Variants in PPP3CA observed in about 807,000 individuals in gnomAD.
PPP3CA encodes the protein CAM-PRP catalytic subunit.
PPP3CA carries 14 observed loss-of-function variants against 66.5 expected under a neutral mutation model. The ratio of observed to expected loss-of-function variants is 0.21; its 90% CI spans 0.14 to 0.33. PPP3CA has a LOEUF of 0.33. Among genes scored for constraint, PPP3CA ranks in the 10% least tolerant of loss-of-function variants. The pLI, the probability that PPP3CA is intolerant of heterozygous loss-of-function variation, is 1.00. For synonymous variants in PPP3CA, 232 were observed against 226.2 expected (o/e 1.03, Z -0.23); for missense variants, 317 against 639.5 (o/e 0.50, Z 5.44).
chr4:101,081,789 C>T (rs539309491), intron 7 of PPP3CA, among the ~76,000 whole-genome samples: 229 of 152,208 alleles, frequency 1.5e-3, no homozygotes, highest in Non-Finnish European at 2.1e-3. Flanking sequence ...CCTTAAAAAC[C>T]TTTTGAAATG....
At chr4:101,124,591 A>T (rs1722135284) in intron 2 of PPP3CA, among the ~76,000 whole-genome samples, 1 of 151,718 alleles carries the variant, frequency 6.6e-6, no homozygotes, top group African/African-American at 2.4e-5. Context: ...CTGGGGCAAC[A>T]GAGCAAGACT....
At chr4:101,096,920 C>A (rs1367952807) in intron 5 of PPP3CA, among the ~76,000 whole-genome samples, 5 of 152,112 alleles carry the variant, frequency 3.3e-5, no homozygotes, top group Non-Finnish European at 5.9e-5. Flanking sequence ...TCAGACTTAG[C>A]AATCAAGTTT....
intron 1 of PPP3CA, among the ~76,000 whole-genome samples, chr4:101,221,337 T>C (rs759839759): frequency 1.0e-3 from 151 of 151,690 alleles, no homozygotes; most frequent in Non-Finnish European, 1.8e-3. Context: ...AATAAGTAAG[T>C]CTATCCCTAT....
At chr4:101,129,261 A>G (rs1008559049) in intron 2 of PPP3CA, among the ~76,000 whole-genome samples, 20 of 152,154 alleles carry the variant, frequency 1.3e-4, no homozygotes, top group Admixed American at 1.3e-4. Flanking sequence ...GGGCTTATAG[A>G]TAAAACTCCC....
chr4:101,300,243 C>G (rs1351790710), intron 1 of PPP3CA, among the ~76,000 whole-genome samples: 2 of 152,176 alleles, frequency 1.3e-5, no homozygotes, highest in African/African-American at 2.4e-5. Context: ...ACATTTCAAT[C>G]TCTCAAGTCA....
Position 101,080,645 on chromosome 4 carries a change from G to A in PPP3CA, c.861-19C>T. 1.4e-6 allele frequency: 2 copies of A among 1,382,000 alleles called. No individual in the cohort carries two copies. The highest frequency in any genetic ancestry group is 2.3e-5 in the East Asian group (1 of 42,592). The allele number at this position is 1,382,000 out of a possible 1,614,324, so 85.6% of individuals were successfully genotyped here. ...GCGGTACCTAAAAAGAACAAATACAGTCAAAACAAAGCTTGTATGGAAAAA... is the reference window on the plus strand; with the variant it reads ...GCGGTACCTAAAAAGAACAAATACAATCAAAACAAAGCTTGTATGGAAAAA... On this transcript the variant is annotated intron_variant, in intron 7 of 13. Transcript: ENST00000394854.
intron 1 of PPP3CA, among the ~76,000 whole-genome samples, chr4:101,288,273 T>C (rs1324920026): frequency 6.6e-6 from 1 of 152,174 alleles, no homozygotes; most frequent in Non-Finnish European, 1.5e-5. Context: ...AATGAATTGG[T>C]GTTGTAGAGT....
intron 1 of PPP3CA, among the ~76,000 whole-genome samples, chr4:101,256,352 T>A (rs1490806873): frequency 6.6e-6 from 1 of 152,010 alleles, no homozygotes; most frequent in African/African-American, 2.4e-5. Context: ...ATCTCAGCTA[T>A]TGTTCATTCT....
intron 2 of PPP3CA, among the ~76,000 whole-genome samples, chr4:101,114,938 G>T (rs971774992): frequency 6.6e-6 from 1 of 151,982 alleles, no homozygotes; most frequent in Non-Finnish European, 1.5e-5. Flanking sequence ...AGGCATGGGG[G>T]TTCAAGTACA....
intron 2 of PPP3CA, among the ~76,000 whole-genome samples, chr4:101,155,444 AG>A (rs1723286954): frequency 1.3e-5 from 2 of 152,198 alleles, no homozygotes; most frequent in Admixed American, 6.5e-5. Flanking sequence ...GAAAGATGAA[AG>A]TTCCTTCCTG....
chr4:101,176,580 A>G (rs540464070), intron 2 of PPP3CA, among the ~76,000 whole-genome samples: 20 of 152,312 alleles, frequency 1.3e-4, no homozygotes, highest in East Asian at 3.9e-4. Context: ...AAGTAAAATT[A>G]TATGACTATT....
chr4:101,342,451 C>A (rs1016960792), intron 1 of PPP3CA, among the ~76,000 whole-genome samples: 1 of 151,972 alleles, frequency 6.6e-6, no homozygotes, highest in Admixed American at 6.6e-5. Context: ...ATAAATAGAC[C>A]AACCTAACTC....
intron 1 of PPP3CA, among the ~76,000 whole-genome samples, chr4:101,208,891 C>A (rs1026752380): frequency 1.3e-5 from 2 of 152,056 alleles, no homozygotes; most frequent in Admixed American, 6.6e-5. Context: ...CTCTTTATAT[C>A]GGGTTTATTT....
At chr4:101,272,476 T>C (rs1170854627) in intron 1 of PPP3CA, among the ~76,000 whole-genome samples, 6 of 152,194 alleles carry the variant, frequency 3.9e-5, no homozygotes, top group South Asian at 2.1e-4. Context: ...GATTCACTTA[T>C]CTATTCAACA....
chr4:101,138,059 A>G (rs910553459), intron 2 of PPP3CA, among the ~76,000 whole-genome samples: 3 of 152,226 alleles, frequency 2.0e-5, no homozygotes, highest in East Asian at 1.9e-4. Flanking sequence ...TGCTTTTATC[A>G]TATCACTCAT....
intron 2 of PPP3CA, among the ~76,000 whole-genome samples, chr4:101,116,778 A>G (rs1209268412): frequency 6.6e-6 from 1 of 151,968 alleles, no homozygotes; most frequent in Non-Finnish European, 1.5e-5. Context: ...ATATTTCAAA[A>G]TAATATTTTC....
intron 1 of PPP3CA, chr4:101,250,444 G>A (rs1028436622): frequency 2.3e-4 from 98 of 432,310 alleles, no homozygotes; most frequent in African/African-American, 1.8e-3. Context: ...TTATTGTTAT[G>A]TTACATAGAA....
rs540950535 is a variant in PPP3CA at position 101,283,978 on chromosome 4, G to A, written c.58+62761C>T. Among the ~76,000 whole-genome samples the A allele has an allele frequency of 5.9e-5, 9 of 152,140 alleles. No individual in the cohort carries two copies. The South Asian group carries it at 1.9e-3, about 32-fold the overall frequency. On this transcript the variant is annotated intron_variant, in intron 1 of 13. Transcript: ENST00000394854. ...TTAAAACTAAATAAAATGTAAAATCGAGTCTTGTAGTTGAACTAGACATAT... is the reference window on the plus strand; with the variant it reads ...TTAAAACTAAATAAAATGTAAAATCAAGTCTTGTAGTTGAACTAGACATAT...
intron 8 of PPP3CA, among the ~76,000 whole-genome samples, chr4:101,069,371 T>A (rs1218471355): frequency 6.6e-6 from 1 of 152,186 alleles, no homozygotes; most frequent in Non-Finnish European, 1.5e-5. Flanking sequence ...GCCCCACTCC[T>A]CTTACTCACT....
Sources: gnomAD v4.1 joint callset for allele counts (sites outside exome capture counted in the v4.1 genomes callset) on GRCh38, gnomAD v4.1.1 for gene constraint, MANE v1.5 for transcripts, NCBI Gene and HGNC (gene_info 2026-07-23, HGNC 2026-07-21) for gene names.